TENM3: variants seen among roughly 807,000 people sequenced by gnomAD.
TENM3 encodes teneurin transmembrane protein 3.
In TENM3, 63 loss-of-function variants were observed where a neutral mutation model predicts 255.1. The ratio of observed to expected loss-of-function variants is 0.25; its 90% CI spans 0.20 to 0.30. The LOEUF is 0.30. TENM3 is among the 10% of genes least tolerant of loss of function. The pLI, the probability that TENM3 is intolerant of heterozygous loss-of-function variation, is 1.00. For missense variants in TENM3, 2,929 were observed against 3,461.1 expected (o/e 0.85, Z 3.86); for synonymous variants, 1,306 against 1,322.3 (o/e 0.99, Z 0.27).
chr4:182,543,777 TG>T (rs1247499843), intron 3 of TENM3, among the ~76,000 whole-genome samples: 1 of 152,160 alleles, frequency 6.6e-6, no homozygotes, highest in Non-Finnish European at 1.5e-5. Context: ...TTTTTTAGTT[TG>T]TGTCAGCTAC....
In TENM3 at chr4:182,752,019, C is replaced by G. The variant is rs749365911; in HGVS notation, c.3849C>G (p.Leu1283=). 5.6e-6 allele frequency: 9 copies of G among 1,603,694 alleles called. No individual in the cohort carries two copies. In the East Asian group the frequency reaches 2.0e-4, roughly 36 times the overall value. ...GDGGKAVEAT[L]MSPKGMAVDK... is the part of the protein sequence containing the mutation. ...GAGGGAAGGCCGTGGAAGCCACACT[C>G]ATGAGTCCCAAAGGTACCGGCAGTT... The change falls in exon 20 of 28, where the codon CTC becomes CTG. Residue 1283 remains leucine, a synonymous_variant. Coordinates refer to ENST00000511685, the MANE Select transcript of TENM3 (RefSeq NM_001080477.4).
intron 1 of TENM3, among the ~76,000 whole-genome samples, chr4:182,188,813 G>C (rs1189392973): frequency 6.6e-6 from 1 of 152,106 alleles, no homozygotes; most frequent in Non-Finnish European, 1.5e-5. Flanking sequence ...ATCTGGCCCT[G>C]CCCAGTCCTA....
chr4:182,080,555 A>G, the TENM3 span, among the ~76,000 whole-genome samples: 1 of 152,230 alleles, frequency 6.6e-6, no homozygotes, highest in South Asian at 2.1e-4. Context: ...AACAGGTACT[A>G]CTTGTGTTAT....
chr4:182,333,928 G>A (rs1763935606), intron 2 of TENM3, among the ~76,000 whole-genome samples: 1 of 151,748 alleles, frequency 6.6e-6, no homozygotes, highest in Admixed American at 6.6e-5. Context: ...GAGAGTATAG[G>A]TTCTGAATCC....
chr4:182,640,795 A>T (rs1459291086), intron 5 of TENM3, among the ~76,000 whole-genome samples: 1 of 152,200 alleles, frequency 6.6e-6, no homozygotes, highest in African/African-American at 2.4e-5. Context: ...AATATTCATT[A>T]ATAATGGTTA....
chr4:181,781,662 A>G, the TENM3 span, among the ~76,000 whole-genome samples: 1 of 152,142 alleles, frequency 6.6e-6, no homozygotes, highest in African/African-American at 2.4e-5. Context: ...TATGTTGAAT[A>G]GGAGTGGTGA....
chr4:182,484,306 G>T (rs1273029623), intron 3 of TENM3, among the ~76,000 whole-genome samples: 1 of 152,164 alleles, frequency 6.6e-6, no homozygotes, highest in Non-Finnish European at 1.5e-5. Flanking sequence ...GTCAGTTGTG[G>T]AGCTAGGATT....
At chr4:181,501,014 G>T in the TENM3 span, among the ~76,000 whole-genome samples, 3 of 152,146 alleles carry the variant, frequency 2.0e-5, no homozygotes, top group African/African-American at 4.8e-5. Context: ...GGGCCCAGCC[G>T]CTAATGACCG....
At chr4:182,788,908 T>C (rs1465856961) in intron 24 of TENM3, among the ~76,000 whole-genome samples, 185 bp from the exon 25 acceptor site, 3 of 152,232 alleles carry the variant, frequency 2.0e-5, no homozygotes, top group Non-Finnish European at 4.4e-5. Flanking sequence ...CCAGGCTGTC[T>C]TTCTGCTTAA....
chr4:181,512,770 C>A, the TENM3 span, among the ~76,000 whole-genome samples: 2 of 152,168 alleles, frequency 1.3e-5, no homozygotes, highest in African/African-American at 4.8e-5. Context: ...ACATTTTACT[C>A]TCCTATCATA....
chr4:181,939,203 C>T, the TENM3 span, among the ~76,000 whole-genome samples: 3 of 152,142 alleles, frequency 2.0e-5, no homozygotes, highest in Non-Finnish European at 4.4e-5. Context: ...TTGTTCTATA[C>T]ACTTTCTAGA....
chr4:182,653,973 C>G, intron 6 of TENM3, 80 bp downstream of exon 6: 6 of 1,403,686 alleles, frequency 4.3e-6, no homozygotes, highest in African/African-American at 1.4e-5. Flanking sequence ...ATGCTTACAT[C>G]TAGTTTAGAT....
chr4:182,455,756 C>T (rs1364955303), intron 3 of TENM3, among the ~76,000 whole-genome samples: 2 of 151,784 alleles, frequency 1.3e-5, no homozygotes. Flanking sequence ...GAGACAGGGT[C>T]TCACCATGTT....
Position 182,754,555 on chromosome 4 carries a change from C to T in TENM3, c.4188C>T (p.His1396=), listed in dbSNP as rs546171268. 4.0e-5 allele frequency: 64 copies of T among 1,613,912 alleles called. No homozygotes were observed. Among genetic ancestry groups the T allele is most frequent in the East Asian group, 8.9e-5 (4 of 44,878 alleles). The change falls in exon 22 of 28, where the codon CAC becomes CAT. Residue 1396 remains histidine, a synonymous_variant. Coordinates refer to ENST00000511685, the MANE Select transcript of TENM3 (RefSeq NM_001080477.4). The surrounding 1 kb of genome is among the most constrained non-coding windows in gnomAD (Gnocchi z 5.1). ...VPGVEYPVGK[H]AVQTTLESAT... ...GAGTGGAATATCCTGTGGGGAAGCA[C>T]GCGGTGCAGACAACACTGGAATCAG...
At chr4:181,588,175 C>G in the TENM3 span, among the ~76,000 whole-genome samples, 2 of 152,322 alleles carry the variant, frequency 1.3e-5, no homozygotes, top group Non-Finnish European at 2.9e-5. Flanking sequence ...CCTCTGCTCG[C>G]AGTCCCGCAA....
rs1264914047 is a variant in TENM3, at chr4:182,323,996, G to A, written c.-25G>A. On this transcript the variant is annotated 5_prime_UTR_variant, in exon 2 of 28. Coordinates refer to ENST00000511685, the MANE Select transcript of TENM3 (RefSeq NM_001080477.4). ...AGCCTAAGTTGTCACCAGCAGGACT[G>A]ATGTGCACACAGAAGGAATGAAGTA... 9 of 1,599,528 alleles carry A rather than the reference G, an allele frequency of 5.6e-6. No homozygotes were observed. Among genetic ancestry groups the A allele is most frequent in the Non-Finnish European group, 7.7e-6 (9 of 1,169,866 alleles).
chr4:182,109,550 T>G, the TENM3 span, among the ~76,000 whole-genome samples: 1 of 152,140 alleles, frequency 6.6e-6, no homozygotes, highest in Admixed American at 6.5e-5. Flanking sequence ...CATCAATGCA[T>G]TTTGGCATAA....
At position 182,543,959 on chromosome 4, in the gene TENM3, T is replaced by G. The variant is rs189472249; in HGVS notation, c.512-56965T>G. Among the ~76,000 whole-genome samples, 11 of 152,308 alleles carry G rather than the reference T, an allele frequency of 7.2e-5. No homozygotes were observed. The East Asian group carries it at 1.3e-3, about 19-fold the overall frequency. ...AAGGAGGTTGCCTTTTATTTTTATA[T>G]TTAAGAACCAGAATATTGTGTAGTA... On this transcript the variant is annotated intron_variant, in intron 3 of 27. Transcript: ENST00000511685.
At chr4:181,973,343 T>A in the TENM3 span, among the ~76,000 whole-genome samples, 1 of 151,900 alleles carries the variant, frequency 6.6e-6, no homozygotes, top group Admixed American at 6.6e-5. Flanking sequence ...ACAGTAAGCA[T>A]GACAACTAAG....
Sources: gnomAD v4.1 joint callset for allele counts (sites outside exome capture counted in the v4.1 genomes callset) on GRCh38, gnomAD v4.1.1 for gene constraint, Gnocchi (gnomAD v3.1) non-coding constraint, MANE v1.5 for transcripts, NCBI Gene and HGNC (gene_info 2026-07-23, HGNC 2026-07-21) for gene names.